The following PCDHGA5 variants were observed in gnomAD, a reference collection of about 807,000 sequenced individuals.
PCDHGA5 encodes the protein protocadherin gamma-A5.
Under a neutral mutation model 56.7 loss-of-function variants are expected in PCDHGA5, and 36 were observed. That is an observed-to-expected ratio of 0.64 (90% CI 0.49 to 0.84). PCDHGA5 has a LOEUF of 0.84. Among genes scored for constraint, PCDHGA5 ranks in the 40% least tolerant of loss-of-function variants. PCDHGA5 has a pLI of 0.00. For synonymous variants in PCDHGA5, 563 were observed against 520.2 expected (o/e 1.08, Z -1.12); for missense variants, 1,305 against 1,201.5 (o/e 1.09, Z -1.27).
At chr5:141,492,026 G>T in intron 1 of PCDHGA5, 1 of 567,198 alleles carries the variant, frequency 1.8e-6, no homozygotes, top group Non-Finnish European at 3.0e-6. Flanking sequence ...GGGGTCCCGG[G>T]AGGAGGCAGT....
chr5:141,468,339 A>G (rs1320544911), intron 1 of PCDHGA5: 2 of 151,348 alleles, frequency 1.3e-5, no homozygotes, highest in Non-Finnish European at 2.9e-5. Context: ...TCAAAAAAAA[A>G]AAAAAAAAAA....
In PCDHGA5 at chr5:141,486,836, G is replaced by C; in HGVS notation, c.2422-7971G>C. On this transcript the variant is annotated intron_variant, in intron 1 of 3. Coordinates refer to ENST00000518069, the MANE Select transcript of PCDHGA5 (RefSeq NM_018918.3). This position sits in a 1 kb window ranked among gnomAD's most constrained non-coding sequence, Gnocchi z 5.0. ...CAGCACTGTAACAGTTCGTCTATTT[G>C]TGCTGGACCTCAATGACAATGCTCC... 1 of 1,614,242 alleles carries C rather than the reference G, an allele frequency of 6.2e-7. No individual in the cohort carries two copies. The highest frequency in any genetic ancestry group is 8.5e-7 in the Non-Finnish European group (1 of 1,180,046).
intron 1 of PCDHGA5, chr5:141,415,028 C>T (rs756347396): frequency 3.1e-6 from 5 of 1,613,524 alleles, no homozygotes; most frequent in Middle Eastern, 1.7e-4. Context: ...GCCAGCGAGC[C>T]GGGACTCTTC....
Position 141,486,319 on chromosome 5 carries a change from C to T in PCDHGA5, c.2422-8488C>T, listed in dbSNP as rs148184642. The T allele has an allele frequency of 1.7e-4, 268 of 1,614,058 alleles. No individual in the cohort carries two copies. The African/African-American group carries it at 1.7e-3, about 10-fold the overall frequency. Reference sequence around the variant, plus strand: ...TGCAGGATCCAGACTCAGGGTCAAACGGAGATGTGAGCCTCCGCATTCCTG... The same window carrying T: ...TGCAGGATCCAGACTCAGGGTCAAATGGAGATGTGAGCCTCCGCATTCCTG... On this transcript the variant is annotated intron_variant, in intron 1 of 3. Transcript: ENST00000518069. The surrounding 1 kb of genome is among the most constrained non-coding windows in gnomAD (Gnocchi z 5.0).
chr5:141,450,413 T>G (rs549247554), intron 1 of PCDHGA5, among the ~76,000 whole-genome samples: 1 of 152,334 alleles, frequency 6.6e-6, no homozygotes, highest in African/African-American at 2.4e-5. Context: ...GCCATTTGTC[T>G]TGTATAATGC....
chr5:141,477,854 C>T lies in PCDHGA5; in HGVS notation c.2422-16953C>T. Reference sequence around the variant, plus strand: ...GCCAGGTGGGAGCTCGGTGGAGATGCTGCCTCGAGGTACCTCAGCTGGCCA... The same window carrying T: ...GCCAGGTGGGAGCTCGGTGGAGATGTTGCCTCGAGGTACCTCAGCTGGCCA... On this transcript the variant is annotated intron_variant, in intron 1 of 3. Transcript: ENST00000518069. This position sits in a 1 kb window ranked among gnomAD's most constrained non-coding sequence, Gnocchi z 4.9. 1.9e-6 allele frequency: 3 copies of T among 1,614,098 alleles called. No individual in the cohort carries two copies. The South Asian group carries it at 3.3e-5, about 18-fold the overall frequency.
At chr5:141,478,050 C>T (rs2099429383) in intron 1 of PCDHGA5, 1 of 1,614,066 alleles carries the variant, frequency 6.2e-7, no homozygotes, top group Non-Finnish European at 8.5e-7. Flanking sequence ...CAGACTCTCA[C>T]GGTCTTGATC....
rs1453835891 is a variant in PCDHGA5 at position 141,477,494 on chromosome 5, T to G, written c.2422-17313T>G. On this transcript the variant is annotated intron_variant, in intron 1 of 3. Coordinates refer to ENST00000518069, the MANE Select transcript of PCDHGA5 (RefSeq NM_018918.3). The surrounding 1 kb of genome is among the most constrained non-coding windows in gnomAD (Gnocchi z 4.9). ...TGACAACCCTCCACAATCTTCTCAA[T>G]CTTCCTACGACGTTTACATTGAAGA... 1 of 1,614,088 alleles carries G rather than the reference T, an allele frequency of 6.2e-7. No individual in the cohort carries two copies.
intron 1 of PCDHGA5, among the ~76,000 whole-genome samples, chr5:141,368,835 T>C (rs1765886415): frequency 6.6e-6 from 1 of 152,190 alleles, no homozygotes; most frequent in African/African-American, 2.4e-5. Flanking sequence ...CTTGGCATTG[T>C]GTTGGAAGGC....
chr5:141,477,475 C>A lies in PCDHGA5; in HGVS notation c.2422-17332C>A. ...TTCAAGTGTCCGACATCAATGACAA[C>A]CCTCCACAATCTTCTCAATCTTCCT... On this transcript the variant is annotated intron_variant, in intron 1 of 3. Coordinates refer to ENST00000518069, the MANE Select transcript of PCDHGA5 (RefSeq NM_018918.3). The surrounding 1 kb of genome is among the most constrained non-coding windows in gnomAD (Gnocchi z 4.9). The A allele has an allele frequency of 3.1e-6, 5 of 1,614,124 alleles. No homozygotes were observed. The highest frequency in any genetic ancestry group is 4.2e-6 in the Non-Finnish European group (5 of 1,180,030).
intron 1 of PCDHGA5, chr5:141,394,160 T>G (rs749389529): frequency 1.7e-5 from 27 of 1,613,534 alleles, no homozygotes; most frequent in Non-Finnish European, 2.3e-5. Flanking sequence ...ACGACAACCC[T>G]CCTACTTTCC....
rs1435240793 is a variant in PCDHGA5 at position 141,402,906 on chromosome 5, CA to C, written c.2421+36156del. ...GGGTGGAAGAAAGAACCTGATGAAG[CA>C]GCGCGCACAGAGATCCTTTTGAGAA... On this transcript the variant is annotated intron_variant, in intron 1 of 3. Coordinates refer to ENST00000518069, the MANE Select transcript of PCDHGA5 (RefSeq NM_018918.3). The C allele has an allele frequency of 3.9e-6, 6 of 1,529,062 alleles. No homozygotes were observed. The African/African-American group carries it at 8.3e-5, about 21-fold the overall frequency. 94.7% of individuals were successfully genotyped at this position (1,529,062 alleles called of 1,614,324 possible). A position where few individuals can be genotyped will look rare whatever the true frequency, so the allele number is the denominator to read the frequency against.
intron 1 of PCDHGA5, chr5:141,388,516 C>T (rs755004350): frequency 4.3e-6 from 7 of 1,613,864 alleles, no homozygotes; most frequent in South Asian, 3.3e-5. Context: ...TACCACTTGA[C>T]TTTGACTGCC....
At position 141,416,345 on chromosome 5, in the gene PCDHGA5, A is replaced by T. The variant is rs542527661; in HGVS notation, c.2421+49594A>T. ...ATTTAACTTTCATTGCTCAATAGGG[A>T]TCCTGAGGAGGCTATAGAGGGTGAA... On this transcript the variant is annotated intron_variant, in intron 1 of 3. Transcript: ENST00000518069. The T allele has an allele frequency of 4.6e-5, 7 of 152,330 alleles. No homozygotes were observed. In the East Asian group the frequency reaches 1.3e-3, roughly 29 times the overall value. The allele number at this position is 152,330 out of a possible 1,614,324, so 9.4% of individuals were successfully genotyped here. A position where few individuals can be genotyped will look rare whatever the true frequency, so the allele number is the denominator to read the frequency against.
intron 1 of PCDHGA5, among the ~76,000 whole-genome samples, chr5:141,449,869 T>G (rs1003364964): frequency 6.6e-6 from 1 of 151,924 alleles, no homozygotes; most frequent in African/African-American, 2.4e-5. Flanking sequence ...ATCAGAAAAT[T>G]TAACATCAAT....
Position 141,477,310 on chromosome 5 carries a change from C to T in PCDHGA5, c.2422-17497C>T. On this transcript the variant is annotated intron_variant, in intron 1 of 3. Coordinates refer to ENST00000518069, the MANE Select transcript of PCDHGA5 (RefSeq NM_018918.3). This position sits in a 1 kb window ranked among gnomAD's most constrained non-coding sequence, Gnocchi z 4.9. ...AAGTTCCACCGGGTCTCCCTTTCAGCCTTACTTCTTCCCTCAAGAATTACT... is the reference window on the plus strand; with the variant it reads ...AAGTTCCACCGGGTCTCCCTTTCAGTCTTACTTCTTCCCTCAAGAATTACT... The T allele has an allele frequency of 6.2e-7, 1 of 1,614,154 alleles. No homozygotes were observed. Among genetic ancestry groups the T allele is most frequent in the Non-Finnish European group, 8.5e-7 (1 of 1,180,018 alleles).
chr5:141,503,136 A>G (rs1352550702), intron 2 of PCDHGA5, among the ~76,000 whole-genome samples: 5 of 151,846 alleles, frequency 3.3e-5, no homozygotes, highest in Admixed American at 2.0e-4. Context: ...GTAGCCCCTG[A>G]CACAGCCCAT....
At chr5:141,433,397 A>G (rs189987785) in intron 1 of PCDHGA5, among the ~76,000 whole-genome samples, 270 of 150,524 alleles carry the variant, frequency 1.8e-3, no homozygotes, top group Non-Finnish European at 3.1e-3. Context: ...CTATCTATCT[A>G]TCTATCTATT....
intron 1 of PCDHGA5, among the ~76,000 whole-genome samples, chr5:141,456,808 C>CA (rs1316636483): frequency 6.6e-5 from 10 of 151,878 alleles, no homozygotes; most frequent in Admixed American, 6.6e-4. Flanking sequence ...ACTAAAAATA[C>CA]AAAAAATTAG....
Sources: allele counts gnomAD v4.1 joint callset (sites outside exome capture counted in the v4.1 genomes callset), GRCh38; gene constraint gnomAD v4.1.1; non-coding constraint Gnocchi (gnomAD v3.1); transcripts MANE v1.5; gene names NCBI Gene and HGNC (gene_info 2026-07-23, HGNC 2026-07-21).